The following ACBD6 variants were observed in gnomAD, a reference collection of about 807,000 sequenced individuals.
ACBD6 encodes the protein acyl-CoA-binding domain-containing protein 6.
ACBD6 carries 28 observed loss-of-function variants against 37.2 expected under a neutral mutation model. That is an observed-to-expected ratio of 0.75 (90% CI 0.56 to 1.03). ACBD6 has a LOEUF of 1.03. Among genes scored for constraint, ACBD6 ranks in the 50% least tolerant of loss-of-function variants. The probability of loss-of-function intolerance (pLI) is 0.00; values close to 1 mark genes in which losing one functional copy is unlikely to be tolerated. For synonymous variants in ACBD6, 113 were observed against 126.8 expected (o/e 0.89, Z 0.73); for missense variants, 340 against 337.4 (o/e 1.01, Z -0.06).
At chr1:180,442,698 C>T (rs1649327426) in intron 3 of ACBD6, among the ~76,000 whole-genome samples, 1 of 152,090 alleles carries the variant, frequency 6.6e-6, no homozygotes, top group Non-Finnish European at 1.5e-5. Context: ...TTCACTTGCT[C>T]CATCTTCGAG....
At chr1:180,482,609 GT>G (rs1345123610) in intron 3 of ACBD6, among the ~76,000 whole-genome samples, 1 of 152,034 alleles carries the variant, frequency 6.6e-6, no homozygotes, top group Non-Finnish European at 1.5e-5. Flanking sequence ...TCTTATTTAT[GT>G]TGAACTTTGC....
intron 6 of ACBD6, among the ~76,000 whole-genome samples, chr1:180,367,303 T>C (rs1653087087): frequency 6.6e-6 from 1 of 152,174 alleles, no homozygotes; most frequent in South Asian, 2.1e-4. Context: ...ACAAAATGAC[T>C]CCAAGTTCCA....
intron 7 of ACBD6, among the ~76,000 whole-genome samples, chr1:180,296,331 A>G (rs1225638814): frequency 6.6e-6 from 1 of 152,232 alleles, no homozygotes; most frequent in East Asian, 1.9e-4. Flanking sequence ...GTGCAAGGTA[A>G]AGCAGTAAGT....
At chr1:180,445,850 C>A (rs956164675) in intron 3 of ACBD6, among the ~76,000 whole-genome samples, 1 of 152,190 alleles carries the variant, frequency 6.6e-6, no homozygotes, top group African/African-American at 2.4e-5. Context: ...TCCAATGCCA[C>A]AGAAGTGGCA....
intron 4 of ACBD6, among the ~76,000 whole-genome samples, chr1:180,418,059 A>G (rs1217310434): frequency 1.3e-5 from 2 of 151,638 alleles, no homozygotes; most frequent in Non-Finnish European, 2.9e-5. Flanking sequence ...TCTTTTTAAT[A>G]TAATCTTTCA....
rs1028067677 is a variant in ACBD6 at position 180,376,808 on chromosome 1, A to G, written c.663+20708T>C. Among the ~76,000 whole-genome samples the G allele has an allele frequency of 3.9e-5, 6 of 152,314 alleles. No homozygotes were observed. In the South Asian group the frequency reaches 1.0e-3, roughly 26 times the overall value. ...ATCTATTTATACGCCTCTGATGCTCATATCTATAGTAATGTTTCAGATACC... is the reference window on the plus strand; with the variant it reads ...ATCTATTTATACGCCTCTGATGCTCGTATCTATAGTAATGTTTCAGATACC... On this transcript the variant is annotated intron_variant, in intron 6 of 7. Coordinates refer to ENST00000367595, the MANE Select transcript of ACBD6 (RefSeq NM_032360.4).
intron 6 of ACBD6, among the ~76,000 whole-genome samples, chr1:180,320,218 G>A (rs946699617): frequency 4.6e-5 from 7 of 152,114 alleles, no homozygotes; most frequent in Non-Finnish European, 1.0e-4. Flanking sequence ...AAGATGATAC[G>A]TCATTGTATT....
At chr1:180,338,541 A>C (rs1243403666) in intron 6 of ACBD6, among the ~76,000 whole-genome samples, 1 of 152,232 alleles carries the variant, frequency 6.6e-6, no homozygotes, top group African/African-American at 2.4e-5. Context: ...GATGGATTAA[A>C]GACTTAAATG....
chr1:180,383,753 C>CT (rs1653745370), intron 6 of ACBD6, among the ~76,000 whole-genome samples: 1 of 152,114 alleles, frequency 6.6e-6, no homozygotes, highest in Admixed American at 6.6e-5. Context: ...AGGCATCACA[C>CT]TGTCTGACTT....
intron 9 of ACBD6, among the ~76,000 whole-genome samples, chr1:180,279,358 G>A (rs1649236326): frequency 6.6e-6 from 1 of 152,144 alleles, no homozygotes. Flanking sequence ...GTGCAGTGGT[G>A]TGATCTCAGC....
At chr1:180,444,591 GATAA>G (rs1649408268) in intron 3 of ACBD6, among the ~76,000 whole-genome samples, 1 of 152,298 alleles carries the variant, frequency 6.6e-6, no homozygotes, top group East Asian at 1.9e-4. Flanking sequence ...TACCAGAGTG[GATAA>G]ACTTTGGCTA....
At chr1:180,273,888 G>C (rs1188109635) in intron 11 of ACBD6, 1 of 443,006 alleles carries the variant, frequency 2.3e-6, no homozygotes, top group Non-Finnish European at 4.2e-6. Context: ...ATCCTCCTCA[G>C]TGTAGCCAGA....
chr1:180,284,768 TTTTTGC>T (rs761058888), downstream of ACBD6, among the ~76,000 whole-genome samples: 4 of 152,194 alleles, frequency 2.6e-5, no homozygotes, highest in African/African-American at 4.8e-5. Context: ...GCTGCTTTTG[TTTTTGC>T]TTTTGCTTAT....
At chr1:180,411,825 G>A (rs899489031) in intron 5 of ACBD6, among the ~76,000 whole-genome samples, 5 of 151,906 alleles carry the variant, frequency 3.3e-5, no homozygotes, top group African/African-American at 4.8e-5. Flanking sequence ...CCACCACCAC[G>A]CCTGGCTAAT....
intron 4 of ACBD6, among the ~76,000 whole-genome samples, chr1:180,416,270 T>C (rs1486766279): frequency 1.3e-5 from 2 of 152,144 alleles, no homozygotes; most frequent in Non-Finnish European, 2.9e-5. Context: ...CCCCTAAAAT[T>C]ATGTACAATG....
chr1:180,318,454 T>C (rs879157575), intron 6 of ACBD6, among the ~76,000 whole-genome samples: 1 of 152,158 alleles, frequency 6.6e-6, no homozygotes, highest in Non-Finnish European at 1.5e-5. Context: ...TTTTTGATTC[T>C]GGACTATAAG....
At chr1:180,271,370 T>C in exon 14 of ACBD6, 1 of 1,614,168 alleles carries the variant, frequency 6.2e-7, no homozygotes, top group South Asian at 1.1e-5. Flanking sequence ...GCAGTGGTTT[T>C]TCCTTGCAGA....
intron 6 of ACBD6, among the ~76,000 whole-genome samples, chr1:180,358,537 CA>C (rs2101900581): frequency 8.1e-6 from 1 of 123,336 alleles, no homozygotes; most frequent in African/African-American, 2.9e-5. Flanking sequence ...GTAACATTAG[CA>C]ATATCATACA....
chr1:180,481,995 T>C (rs72716624), intron 3 of ACBD6, among the ~76,000 whole-genome samples: 6,724 of 152,196 alleles, frequency 0.044, 225 homozygotes, highest in South Asian at 0.089. Context: ...ATGAGAAATA[T>C]ATAACTTAAA....
Sources: gnomAD v4.1 joint callset for allele counts (sites outside exome capture counted in the v4.1 genomes callset) on GRCh38, gnomAD v4.1.1 for gene constraint, MANE v1.5 for transcripts, NCBI Gene and HGNC (gene_info 2026-07-23, HGNC 2026-07-21) for gene names.